The following LINGO2 variants were observed in gnomAD, a reference collection of about 807,000 sequenced individuals.
LINGO2 encodes the protein leucine-rich repeat and immunoglobulin-like domain-containing nogo receptor-interacting protein 2.
LINGO2 carries 14 observed loss-of-function variants against 30.6 expected under a neutral mutation model. That is an observed-to-expected ratio of 0.46 (90% CI 0.30 to 0.72). The LOEUF is 0.72. Ranked by LOEUF, LINGO2 falls within the 30% of genes least tolerant of loss-of-function variation. The pLI, the probability that LINGO2 is intolerant of heterozygous loss-of-function variation, is 0.07. For missense variants in LINGO2, 729 were observed against 751.7 expected (o/e 0.97, Z 0.35); for synonymous variants, 317 against 288.5 (o/e 1.10, Z -1.00).
chr9:27,949,531 T>A (rs997559529), exon 6 of LINGO2: 1 of 1,613,718 alleles, frequency 6.2e-7, no homozygotes, highest in East Asian at 2.2e-5. Context: ...CCAGCACACA[T>A]AGGTTGCTGG....
chr9:29,054,957 G>A, the LINGO2 span, among the ~76,000 whole-genome samples: 6,283 of 152,048 alleles, frequency 0.041, 197 homozygotes, highest in Admixed American at 0.082. Context: ...GGTGGATCGC[G>A]CCTGTAATCC....
At chr9:28,485,236 C>T (rs1826125785) in intron 1 of LINGO2, among the ~76,000 whole-genome samples, 1 of 152,080 alleles carries the variant, frequency 6.6e-6, no homozygotes, top group African/African-American at 2.4e-5. Context: ...TCAGCAGTTC[C>T]TCCAGTCTTC....
At chr9:28,365,421 T>G (rs937380406) in intron 3 of LINGO2, among the ~76,000 whole-genome samples, 12 of 152,186 alleles carry the variant, frequency 7.9e-5, no homozygotes, top group African/African-American at 2.7e-4. Flanking sequence ...GGATCTGTGC[T>G]GCAGAGGCGA....
chr9:27,963,981 C>T (rs1407971096), intron 5 of LINGO2, among the ~76,000 whole-genome samples: 2 of 152,132 alleles, frequency 1.3e-5, no homozygotes, highest in African/African-American at 4.8e-5. Flanking sequence ...CCCAAGCCAA[C>T]TTGAGATGAA....
intron 4 of LINGO2, among the ~76,000 whole-genome samples, chr9:28,014,303 A>T (rs1563912975): frequency 6.6e-6 from 1 of 152,214 alleles, no homozygotes. Context: ...GTTTTTCATT[A>T]TAATTGCATA....
chr9:28,896,528 C>T, the LINGO2 span, among the ~76,000 whole-genome samples: 1 of 152,012 alleles, frequency 6.6e-6, no homozygotes, highest in Non-Finnish European at 1.5e-5. Context: ...CAACAAGTTG[C>T]TTATAAACCT....
At chr9:28,117,892 C>G (rs1826977302) in intron 4 of LINGO2, among the ~76,000 whole-genome samples, 1 of 152,172 alleles carries the variant, frequency 6.6e-6, no homozygotes, top group Non-Finnish European at 1.5e-5. Flanking sequence ...TTAAAAAGAC[C>G]AGGCTTAATA....
At chr9:28,529,620 T>G (rs1482816210) in intron 1 of LINGO2, among the ~76,000 whole-genome samples, 2 of 151,780 alleles carry the variant, frequency 1.3e-5, no homozygotes, top group African/African-American at 4.8e-5. Context: ...TTTTTTTTTT[T>G]TTTTTGCCAT....
chr9:28,889,637 C>G, the LINGO2 span, among the ~76,000 whole-genome samples: 3 of 151,962 alleles, frequency 2.0e-5, no homozygotes, highest in Non-Finnish European at 4.4e-5. Flanking sequence ...TTATTAATAA[C>G]TGGAATCTTT....
chr9:29,202,493 T>C, the LINGO2 span, among the ~76,000 whole-genome samples: 1 of 152,176 alleles, frequency 6.6e-6, no homozygotes, highest in East Asian at 1.9e-4. Context: ...TTTATTCTTA[T>C]AAAGTGATCT....
At chr9:28,812,056 C>A in the LINGO2 span, among the ~76,000 whole-genome samples, 1 of 150,340 alleles carries the variant, frequency 6.7e-6, no homozygotes, top group Non-Finnish European at 1.5e-5. Context: ...TAACCTTTGG[C>A]TTCATTCTTG....
intron 2 of LINGO2, among the ~76,000 whole-genome samples, chr9:28,466,123 C>T (rs1395635995): frequency 1.3e-5 from 2 of 152,052 alleles, no homozygotes; most frequent in Non-Finnish European, 2.9e-5. Flanking sequence ...TAGATACTCC[C>T]CCAAAAAACA....
At chr9:28,966,342 C>T in the LINGO2 span, among the ~76,000 whole-genome samples, 1 of 152,004 alleles carries the variant, frequency 6.6e-6, no homozygotes, top group Non-Finnish European at 1.5e-5. Flanking sequence ...ATTAGTAGCA[C>T]TATTCTTATA....
chr9:28,864,175 A>C, the LINGO2 span, among the ~76,000 whole-genome samples: 1 of 152,078 alleles, frequency 6.6e-6, no homozygotes, highest in Non-Finnish European at 1.5e-5. Context: ...ATATAATCTC[A>C]TATCCTATGA....
chr9:28,598,532 C>G (rs1438174401), intron 1 of LINGO2: 2 of 152,056 alleles, frequency 1.3e-5, no homozygotes, highest in African/African-American at 4.8e-5. Context: ...TGGCCAGGAG[C>G]CTGCCAAATG....
intron 5 of LINGO2, among the ~76,000 whole-genome samples, chr9:27,994,867 C>G (rs1192689747): frequency 6.6e-6 from 1 of 152,156 alleles, no homozygotes; most frequent in Non-Finnish European, 1.5e-5. Context: ...TTCCCTTAAG[C>G]AGCTTGCAGC....
intron 5 of LINGO2, among the ~76,000 whole-genome samples, chr9:28,007,000 T>C (rs1444756253): frequency 6.6e-6 from 1 of 152,176 alleles, no homozygotes; most frequent in Non-Finnish European, 1.5e-5. Context: ...CTAGGGATGC[T>C]TCCAATCTGG....
intron 4 of LINGO2, among the ~76,000 whole-genome samples, chr9:28,287,632 A>G (rs1481620147): frequency 6.6e-6 from 1 of 152,192 alleles, no homozygotes; most frequent in East Asian, 1.9e-4. Context: ...GATTGATGTG[A>G]TGATAAAATG....
chr9:28,175,558 A>T (rs1828727655), intron 4 of LINGO2, among the ~76,000 whole-genome samples: 1 of 152,116 alleles, frequency 6.6e-6, no homozygotes, highest in Non-Finnish European at 1.5e-5. Flanking sequence ...TATTATAGTA[A>T]TTTTGTTATT....
Sources: gnomAD v4.1 joint callset for allele counts (sites outside exome capture counted in the v4.1 genomes callset) on GRCh38, gnomAD v4.1.1 for gene constraint, MANE v1.5 for transcripts, NCBI Gene and HGNC (gene_info 2026-07-23, HGNC 2026-07-21) for gene names.